SLC25A48: variants seen among roughly 807,000 people sequenced by gnomAD.
SLC25A48 encodes CTC-321K16.1.
SLC25A48 carries 29 observed loss-of-function variants against 32.2 expected under a neutral mutation model. The ratio of observed to expected loss-of-function variants is 0.90; its 90% confidence interval spans 0.67 to 1.23. The LOEUF (loss-of-function observed/expected upper bound fraction) is 1.23, where lower values mean the gene tolerates loss of function less well. SLC25A48 is among the 50% of genes most tolerant of loss of function. The pLI, the probability that SLC25A48 is intolerant of heterozygous loss-of-function variation, is 0.00. For synonymous variants in SLC25A48, 164 were observed against 172.3 expected (o/e 0.95, Z 0.38); for missense variants, 399 against 422.7 (o/e 0.94, Z 0.49).
rs1756030614 is a variant in SLC25A48, at chr5:135,760,273, G to T, written c.-520-52250G>T. ...ACGTGCATATATTCCTGTTCTAAGGGTCTCTATGGGGAGCACACAGGGTTT... is the reference window on the plus strand; with the variant it reads ...ACGTGCATATATTCCTGTTCTAAGGTTCTCTATGGGGAGCACACAGGGTTT... On this transcript the variant is annotated intron_variant, in intron 3 of 10. Transcript: ENST00000646290. 5.9e-5 allele frequency among the ~76,000 whole-genome samples: 9 copies of T among 152,118 alleles called. No individual in the cohort carries two copies. The South Asian group carries it at 1.7e-3, about 28-fold the overall frequency.
chr5:135,597,196 A>G (rs1249274753), intron 1 of SLC25A48, among the ~76,000 whole-genome samples: 1 of 152,234 alleles, frequency 6.6e-6, no homozygotes, highest in African/African-American at 2.4e-5. Flanking sequence ...TGCCAGGCAC[A>G]TATCTCTATC....
intron 1 of SLC25A48, among the ~76,000 whole-genome samples, chr5:135,588,124 G>A (rs1044457253): frequency 2.0e-5 from 3 of 152,258 alleles, no homozygotes; most frequent in African/African-American, 4.8e-5. Context: ...GAAGGCAGAG[G>A]CCGGAGAATT....
intron 3 of SLC25A48, among the ~76,000 whole-genome samples, chr5:135,798,460 G>A (rs939213133): frequency 1.2e-4 from 18 of 151,562 alleles, no homozygotes; most frequent in Admixed American, 2.6e-4. Context: ...TCCCAATATC[G>A]CAGGTTGTGT....
rs529399816 is a variant in SLC25A48 at position 135,765,328 on chromosome 5, G to T, written c.-520-47195G>T. On this transcript the variant is annotated intron_variant, in intron 3 of 10. Transcript: ENST00000646290. ...AATGTTACTTTCCATATCGTGGGGG[G>T]TGTGATATGGTTCTTAATATCCAGG... Among the ~76,000 whole-genome samples the T allele has an allele frequency of 6.6e-5, 10 of 151,194 alleles. No homozygotes were observed. The East Asian group carries it at 2.0e-3, about 30-fold the overall frequency.
chr5:135,718,429 A>G (rs1358318204), intron 3 of SLC25A48, among the ~76,000 whole-genome samples: 1 of 152,152 alleles, frequency 6.6e-6, no homozygotes, highest in Admixed American at 6.5e-5. Context: ...TCTGGGAAGA[A>G]TCTCTCTCTT....
intron 3 of SLC25A48, among the ~76,000 whole-genome samples, chr5:135,765,540 A>G (rs906184622): frequency 1.3e-5 from 2 of 151,076 alleles, no homozygotes; most frequent in Non-Finnish European, 3.0e-5. Flanking sequence ...GGGGTGTAAT[A>G]TAATTTTTAA....
intron 3 of SLC25A48, among the ~76,000 whole-genome samples, chr5:135,720,573 A>G (rs1754927168): frequency 6.6e-6 from 1 of 152,246 alleles, no homozygotes; most frequent in Non-Finnish European, 1.5e-5. Flanking sequence ...CACTGATACT[A>G]AAGAACCATG....
intron 4 of SLC25A48, among the ~76,000 whole-genome samples, chr5:135,865,782 A>G (rs910689304): frequency 5.9e-5 from 9 of 152,228 alleles, no homozygotes; most frequent in Non-Finnish European, 1.3e-4. Flanking sequence ...CCTTTTTCTA[A>G]GAGCGCCTTG....
intron 3 of SLC25A48, among the ~76,000 whole-genome samples, chr5:135,706,253 G>T (rs1754505158): frequency 6.6e-6 from 1 of 152,150 alleles, no homozygotes; most frequent in African/African-American, 2.4e-5. Context: ...GTGACTTGTG[G>T]CAGGCCCTGG....
At chr5:135,813,836 T>G (rs1339922854) in intron 4 of SLC25A48, among the ~76,000 whole-genome samples, 1 of 152,014 alleles carries the variant, frequency 6.6e-6, no homozygotes, top group African/African-American at 2.4e-5. Context: ...CTGCGCTGAG[T>G]GCAGGCGCTC....
chr5:135,799,621 C>A (rs1026711535), intron 3 of SLC25A48, among the ~76,000 whole-genome samples: 1 of 151,428 alleles, frequency 6.6e-6, no homozygotes, highest in African/African-American at 2.4e-5. Flanking sequence ...GGGCTGGTCA[C>A]CCACCATGTA....
At chr5:135,624,822 G>T (rs1471509834) in intron 1 of SLC25A48, among the ~76,000 whole-genome samples, 2 of 152,214 alleles carry the variant, frequency 1.3e-5, no homozygotes. Context: ...CGATGGAGAA[G>T]TTTGCTTTTA....
intron 3 of SLC25A48, among the ~76,000 whole-genome samples, chr5:135,717,025 C>T (rs1386382271): frequency 6.6e-6 from 1 of 151,960 alleles, no homozygotes; most frequent in Non-Finnish European, 1.5e-5. Flanking sequence ...TTTTTTGCAA[C>T]CCCCAAGCAT....
At chr5:135,880,133 C>T in intron 7 of SLC25A48, 36 bp downstream of exon 7, 1 of 1,504,050 alleles carries the variant, frequency 6.6e-7, no homozygotes, top group Non-Finnish European at 8.8e-7. Context: ...TTGTGCCTCC[C>T]AGGAACTTGA....
chr5:135,630,655 G>A (rs1752538826), intron 2 of SLC25A48, among the ~76,000 whole-genome samples: 1 of 133,440 alleles, frequency 7.5e-6, no homozygotes, highest in Non-Finnish European at 1.5e-5. Context: ...AGGCTGGAGT[G>A]CAGTGGAGTG....
rs1424280885 is a variant in SLC25A48 at position 135,871,721 on chromosome 5, A to G, written c.679+3A>G. 6.2e-7 allele frequency: 1 copy of G among 1,612,936 alleles called. No homozygotes were observed. Among genetic ancestry groups the G allele is most frequent in the Admixed American group, 1.7e-5 (1 of 59,932 alleles). ...GTGGCTGGCGGGCGGCATGGCAGGT[A>G]AGGGCAGCAGCAGCTGGAGCCGCAC... On this transcript the variant is annotated splice_donor_region_variant and intron_variant, in intron 5 of 7. Transcript: ENST00000681962.
chr5:135,850,534 G>A (rs757088173), intron 3 of SLC25A48, 38 bp downstream of exon 3: 2 of 1,606,128 alleles, frequency 1.2e-6, no homozygotes, highest in South Asian at 1.1e-5. Context: ...ATGCCTGCCT[G>A]GGCCCCCACA....
intron 3 of SLC25A48, among the ~76,000 whole-genome samples, chr5:135,787,946 T>C (rs79976456): frequency 2.6e-5 from 4 of 152,036 alleles, no homozygotes; most frequent in African/African-American, 9.7e-5. Flanking sequence ...AACGGTGGTA[T>C]ACCCTGTGAT....
intron 3 of SLC25A48, among the ~76,000 whole-genome samples, chr5:135,745,218 A>G (rs1755612506): frequency 6.6e-6 from 1 of 152,244 alleles, no homozygotes; most frequent in South Asian, 2.1e-4. Context: ...TATAGATCAT[A>G]GATTAGCTGA....
Sources: allele counts gnomAD v4.1 joint callset (sites outside exome capture counted in the v4.1 genomes callset), GRCh38; gene constraint gnomAD v4.1.1; transcripts MANE v1.5; gene names NCBI Gene and HGNC (gene_info 2026-07-23, HGNC 2026-07-21).